The following AUTS2 variants were observed in gnomAD, a reference collection of about 807,000 sequenced individuals.
AUTS2 encodes the protein autism susceptibility gene 2 protein.
AUTS2 carries 17 observed loss-of-function variants against 112.4 expected under a neutral mutation model. That is an observed-to-expected ratio of 0.15 (90% CI 0.10 to 0.23). AUTS2 has a LOEUF of 0.23. AUTS2 is among the 10% of genes least tolerant of loss of function. The probability of loss-of-function intolerance (pLI) is 1.00; values close to 1 mark genes in which losing one functional copy is unlikely to be tolerated. For missense variants in AUTS2, 1,510 were observed against 1,701.6 expected, an observed-to-expected ratio of 0.89 and a Z score of 1.98; for synonymous variants, 751 against 702.7, an observed-to-expected ratio of 1.07 and a Z score of -1.09.
At position 70,430,007 on chromosome 7, in the gene AUTS2, G is replaced by A. The variant is rs573200368; in HGVS notation, c.661-5745G>A. Among the ~76,000 whole-genome samples, 7 of 152,252 alleles carry A rather than the reference G, an allele frequency of 4.6e-5. No individual in the cohort carries two copies. In the South Asian group the frequency reaches 1.5e-3, roughly 32 times the overall value. On this transcript the variant is annotated intron_variant, in intron 4 of 18. Transcript: ENST00000342771. ...TAGGAAATCCACTCTTGTCAATAAGGACTTGGATTAGAAAAGGAAGAGAGC... is the reference window on the plus strand; with the variant it reads ...TAGGAAATCCACTCTTGTCAATAAGAACTTGGATTAGAAAAGGAAGAGAGC...
At chr7:69,802,734 G>C (rs1790139162) in intron 1 of AUTS2, among the ~76,000 whole-genome samples, 1 of 152,082 alleles carries the variant, frequency 6.6e-6, no homozygotes, top group African/African-American at 2.4e-5. Context: ...TCAGTGTTTT[G>C]TTTTTCTGGA....
chr7:70,392,544 C>T (rs1488712324), intron 4 of AUTS2, among the ~76,000 whole-genome samples: 1 of 152,108 alleles, frequency 6.6e-6, no homozygotes, highest in African/African-American at 2.4e-5. Flanking sequence ...GTGAGGTAAT[C>T]TTTGGACTTT....
chr7:69,950,761 G>A (rs1452005143), intron 2 of AUTS2, among the ~76,000 whole-genome samples: 1 of 152,078 alleles, frequency 6.6e-6, no homozygotes, highest in Non-Finnish European at 1.5e-5. Context: ...AAGAGGAATG[G>A]AGCCATCCAT....
chr7:70,361,083 C>T (rs1256314128), intron 4 of AUTS2, among the ~76,000 whole-genome samples: 1 of 152,134 alleles, frequency 6.6e-6, no homozygotes, highest in Non-Finnish European at 1.5e-5. Flanking sequence ...CGGTGGCTCA[C>T]GCGTGTAATC....
At chr7:70,146,307 A>C (rs929304925) in intron 4 of AUTS2, among the ~76,000 whole-genome samples, 1 of 144,738 alleles carries the variant, frequency 6.9e-6, no homozygotes, top group South Asian at 2.3e-4. Context: ...TGTGATGTGT[A>C]CATTGTGTTA....
chr7:69,788,714 G>T (rs2129323034), intron 1 of AUTS2, among the ~76,000 whole-genome samples: 1 of 151,364 alleles, frequency 6.6e-6, no homozygotes, highest in South Asian at 2.1e-4. Context: ...TTCATTACTT[G>T]ACCATTATTC....
intron 5 of AUTS2, among the ~76,000 whole-genome samples, chr7:70,476,143 G>C (rs1329172667): frequency 6.6e-6 from 1 of 152,098 alleles, no homozygotes; most frequent in African/African-American, 2.4e-5. Context: ...AGTTATCTTG[G>C]GTATATACAC....
chr7:69,726,998 A>C (rs1786548971), intron 1 of AUTS2, among the ~76,000 whole-genome samples: 1 of 152,170 alleles, frequency 6.6e-6, no homozygotes, highest in African/African-American at 2.4e-5. Flanking sequence ...TCTTTGGATA[A>C]GCAGAATTTT....
In AUTS2 at chr7:70,526,661, CTG is replaced by C. The variant is rs1487106015; in HGVS notation, c.690+90884_690+90885del. Among the ~76,000 whole-genome samples, 15 of 152,300 alleles carry C rather than the reference CTG, an allele frequency of 9.8e-5. No individual in the cohort carries two copies. In the East Asian group the frequency reaches 2.9e-3, roughly 29 times the overall value. ...CTCCAGCCTGGGTGACAGCAAGACTCTGTGTCAAAAAAATAAAAAATCCTGCT... is the reference window on the plus strand; with the variant it reads ...CTCCAGCCTGGGTGACAGCAAGACTCTGTCAAAAAAATAAAAAATCCTGCT... On this transcript the variant is annotated intron_variant, in intron 5 of 18. Coordinates refer to ENST00000342771, the MANE Select transcript of AUTS2 (RefSeq NM_015570.4).
intron 5 of AUTS2, among the ~76,000 whole-genome samples, chr7:70,593,416 T>A (rs1211998757): frequency 1.3e-5 from 2 of 152,150 alleles, no homozygotes. Flanking sequence ...CTCAGTGACA[T>A]AAAGACTGGG....
intron 2 of AUTS2, among the ~76,000 whole-genome samples, chr7:70,009,922 T>A (rs1292931480): frequency 6.6e-6 from 1 of 152,212 alleles, no homozygotes; most frequent in Non-Finnish European, 1.5e-5. Context: ...TTATCCACTT[T>A]TAAAATGTTT....
At chr7:70,222,057 CTGTA>C (rs1811514721) in intron 4 of AUTS2, among the ~76,000 whole-genome samples, 1 of 152,068 alleles carries the variant, frequency 6.6e-6, no homozygotes, top group Non-Finnish European at 1.5e-5. Context: ...GTTTAAATAT[CTGTA>C]TGTATATTCT....
chr7:70,496,125 T>C (rs1798480414), intron 5 of AUTS2, among the ~76,000 whole-genome samples: 1 of 108,624 alleles, frequency 9.2e-6, no homozygotes, highest in African/African-American at 3.7e-5. Context: ...ACACGTCACA[T>C]CAGCATCGAT....
intron 4 of AUTS2, among the ~76,000 whole-genome samples, chr7:70,375,551 A>C (rs549762653): frequency 6.6e-6 from 1 of 152,260 alleles, no homozygotes; most frequent in African/African-American, 2.4e-5. Flanking sequence ...CTTTTAATAA[A>C]GCAAAGTAAA....
At chr7:70,205,687 C>T (rs905160372) in intron 4 of AUTS2, among the ~76,000 whole-genome samples, 7 of 152,128 alleles carry the variant, frequency 4.6e-5, no homozygotes, top group African/African-American at 1.7e-4. Context: ...GAAGTTTGCA[C>T]AGCAACGAGA....
chr7:69,742,111 C>CTTT (rs752148406), intron 1 of AUTS2, among the ~76,000 whole-genome samples: 2,046 of 125,630 alleles, frequency 0.016, 82 homozygotes, highest in African/African-American at 0.056. Flanking sequence ...CCTATTTTAC[C>CTTT]TTTTTTTTTT....
intron 2 of AUTS2, among the ~76,000 whole-genome samples, chr7:69,928,360 T>C (rs752785523): frequency 6.6e-6 from 1 of 152,150 alleles, no homozygotes; most frequent in Non-Finnish European, 1.5e-5. Flanking sequence ...CATCCCTGCC[T>C]TGAAGGTGGG....
chr7:70,675,799 C>T (rs997863324), intron 5 of AUTS2, among the ~76,000 whole-genome samples: 21 of 152,100 alleles, frequency 1.4e-4, no homozygotes, highest in African/African-American at 4.8e-4. Flanking sequence ...GAGGAGTTGC[C>T]GGAGGGGTTG....
At chr7:70,139,153 G>C (rs150625091) in intron 4 of AUTS2, among the ~76,000 whole-genome samples, 166 of 152,192 alleles carry the variant, frequency 1.1e-3, no homozygotes, top group African/African-American at 3.9e-3. Context: ...TTTTTGTAGA[G>C]ATGGGGCTCT....
Sources: gnomAD v4.1 joint callset for allele counts (sites outside exome capture counted in the v4.1 genomes callset) on GRCh38, gnomAD v4.1.1 for gene constraint, MANE v1.5 for transcripts, NCBI Gene and HGNC (gene_info 2026-07-23, HGNC 2026-07-21) for gene names.